ADAM22: variants seen among roughly 807,000 people sequenced by gnomAD.
ADAM22 encodes the protein disintegrin and metalloproteinase domain-containing protein 22.
ADAM22 carries 65 observed loss-of-function variants against 144.6 expected under a neutral mutation model. The observed-to-expected ratio is 0.45, with a 90% CI of 0.37 to 0.55. The LOEUF is 0.55. Among genes scored for constraint, ADAM22 ranks in the 20% least tolerant of loss-of-function variants. The pLI, the probability that ADAM22 is intolerant of heterozygous loss-of-function variation, is 0.00. For missense variants in ADAM22, 974 were observed against 1,184.9 expected (o/e 0.82, Z 2.61); for synonymous variants, 391 against 412.6 (o/e 0.95, Z 0.63).
intron 3 of ADAM22, among the ~76,000 whole-genome samples, chr7:88,058,986 G>T (rs566881071): frequency 6.6e-5 from 10 of 152,238 alleles, no homozygotes; most frequent in African/African-American, 2.4e-4. Flanking sequence ...TGGATTGTGG[G>T]CATAGTCAGC....
At chr7:87,960,947 A>T (rs1249476029) in intron 2 of ADAM22, among the ~76,000 whole-genome samples, 1 of 152,208 alleles carries the variant, frequency 6.6e-6, no homozygotes, top group Non-Finnish European at 1.5e-5. Context: ...GAATAATAAA[A>T]AAAATTCTTT....
At chr7:87,938,233 T>TTTG (rs1841725498) in intron 2 of ADAM22, among the ~76,000 whole-genome samples, 1 of 137,620 alleles carries the variant, frequency 7.3e-6, no homozygotes, top group African/African-American at 2.8e-5. Flanking sequence ...TTTTTTTTTT[T>TTTG]TGTGAGATGG....
At chr7:88,146,670 T>G (rs1465936890) in intron 17 of ADAM22, among the ~76,000 whole-genome samples, 1 of 152,216 alleles carries the variant, frequency 6.6e-6, no homozygotes, top group African/African-American at 2.4e-5. Flanking sequence ...AGCACACTTT[T>G]GGGATGGGCA....
chr7:88,145,359 A>C, intron 16 of ADAM22, 56 bp from the exon 17 acceptor site: 1 of 1,520,492 alleles, frequency 6.6e-7, no homozygotes, highest in South Asian at 1.2e-5. Flanking sequence ...ATATCCTGTT[A>C]CTTTCAGGAA....
chr7:88,143,117 C>A lies in ADAM22; in HGVS notation c.1312C>A (p.Pro438Thr), dbSNP rs1586143253. ...AGGTGGTGCCTGCCTTTTCAACAAA[C>A]CTTCTAAGGTAATAAGTGTGGTTAA... Reference protein sequence around the residue: ...SGGGACLFNKPSKLLDPPECG... With the variant: ...SGGGACLFNKTSKLLDPPECG... The change falls in exon 15 of 32, where the codon CCT becomes ACT. Residue 438 changes from proline (P) to threonine (T), a missense_variant. Pro to Thr is a conservative substitution (Grantham distance 38, BLOSUM62 -1). Transcript: ENST00000413139. The A allele has an allele frequency of 2.5e-6, 4 of 1,601,394 alleles. No individual in the cohort carries two copies. Among genetic ancestry groups the A allele is most frequent in the Non-Finnish European group, 3.4e-6 (4 of 1,169,160 alleles).
intron 3 of ADAM22, among the ~76,000 whole-genome samples, chr7:87,980,870 C>T (rs1347396321): frequency 6.6e-6 from 1 of 152,086 alleles, no homozygotes; most frequent in African/African-American, 2.4e-5. Flanking sequence ...CTCTTTAGGA[C>T]AGATGTATTA....
chr7:88,080,491 A>G (rs1364524678), intron 4 of ADAM22, among the ~76,000 whole-genome samples: 1 of 152,236 alleles, frequency 6.6e-6, no homozygotes. Flanking sequence ...AGAAATAACT[A>G]AAATCAGAGC....
intron 3 of ADAM22, among the ~76,000 whole-genome samples, chr7:88,053,728 T>G (rs902378862): frequency 1.3e-5 from 2 of 152,224 alleles, no homozygotes; most frequent in African/African-American, 4.8e-5. Flanking sequence ...AAATGTTTCA[T>G]TCTTTTTAAG....
In ADAM22 at chr7:88,113,703, A is replaced by AATGTATAT. The variant is rs1554478727; in HGVS notation, c.474-879_474-878insGTATATAT. Among the ~76,000 whole-genome samples, 59 of 48,104 alleles carry AATGTATAT rather than the reference A, an allele frequency of 1.2e-3. 2 individuals carry two copies. Among genetic ancestry groups the AATGTATAT allele is most frequent in the African/African-American group, 4.6e-3 (57 of 12,498 alleles). 31.6% of individuals were successfully genotyped at this position (48,104 alleles called of 152,430 possible). On this transcript the variant is annotated intron_variant, in intron 5 of 31. Coordinates refer to ENST00000413139, the MANE Select transcript of ADAM22 (RefSeq NM_001324418.2). ...TATATATATTATAAATAAATAAATAAATATATATATATATATATATATATA... is the reference window on the plus strand; with the variant it reads ...TATATATATTATAAATAAATAAATAAATGTATATATATATATATATATATATATATATA...
rs748167845 is a variant in ADAM22, at chr7:87,935,511, G to A, written c.246+325G>A. ...GGCATGCACAGCGAGAAGGGAGGTA[G>A]TATTTGGGCAGGGTTTGAATCATCA... is the stretch of plus-strand genomic sequence containing the variant. On this transcript the variant is annotated intron_variant, in intron 2 of 31. Coordinates refer to ENST00000413139, the MANE Select transcript of ADAM22 (RefSeq NM_001324418.2). Among the ~76,000 whole-genome samples the A allele has an allele frequency of 4.2e-4, 64 of 152,270 alleles. 1 individual carries two copies. Among genetic ancestry groups the A allele is most frequent in the Middle Eastern group, 3.4e-3 (1 of 294 alleles).
At chr7:88,077,994 A>G (rs1297374915) in intron 4 of ADAM22, among the ~76,000 whole-genome samples, 1 of 152,224 alleles carries the variant, frequency 6.6e-6, no homozygotes, top group Non-Finnish European at 1.5e-5. Context: ...TGAAGACAGT[A>G]GTGGTTCTCC....
intron 11 of ADAM22, 193 bp downstream of exon 11, chr7:88,131,628 G>T: frequency 1.8e-6 from 1 of 562,244 alleles, no homozygotes; most frequent in Non-Finnish European, 3.1e-6. Context: ...TTAATTTTGA[G>T]TTATTTTATT....
At chr7:88,069,408 T>TTACA (rs1272578136) in intron 3 of ADAM22, among the ~76,000 whole-genome samples, 1 of 152,182 alleles carries the variant, frequency 6.6e-6, no homozygotes, top group Non-Finnish European at 1.5e-5. Flanking sequence ...TGATATTCTG[T>TTACA]TACAGCAGCA....
intron 2 of ADAM22, among the ~76,000 whole-genome samples, chr7:87,948,193 C>T (rs1383842981): frequency 1.3e-5 from 2 of 152,092 alleles, no homozygotes; most frequent in Non-Finnish European, 2.9e-5. Context: ...CTATTTCTGC[C>T]AAGCGTCTCT....
chr7:87,986,980 T>C (rs1788632508), intron 3 of ADAM22, among the ~76,000 whole-genome samples: 1 of 152,188 alleles, frequency 6.6e-6, no homozygotes, highest in African/African-American at 2.4e-5. Context: ...GTGCAACAGA[T>C]TTATCAGGTG....
chr7:88,158,252 G>A (rs1458452021), intron 22 of ADAM22, among the ~76,000 whole-genome samples: 1 of 152,068 alleles, frequency 6.6e-6, no homozygotes, highest in Non-Finnish European at 1.5e-5. Context: ...GCTTCATCAA[G>A]CAAGTTCTTA....
At chr7:88,072,878 C>G (rs1813186882) in intron 3 of ADAM22, among the ~76,000 whole-genome samples, 1 of 152,172 alleles carries the variant, frequency 6.6e-6, no homozygotes, top group South Asian at 2.1e-4. Context: ...TTTGGGTAAA[C>G]AGGGTGTGAT....
At chr7:87,957,372 A>G (rs1015844674) in intron 2 of ADAM22, among the ~76,000 whole-genome samples, 1 of 152,246 alleles carries the variant, frequency 6.6e-6, no homozygotes, top group East Asian at 1.9e-4. Flanking sequence ...TAATTCAAAC[A>G]TACAAAATGG....
intron 14 of ADAM22, 83 bp downstream of exon 14, chr7:88,136,114 C>G: frequency 1.6e-6 from 2 of 1,228,822 alleles, no homozygotes; most frequent in East Asian, 2.5e-5. Context: ...CACTCAATAA[C>G]TTAGTGCATG....
Sources: gnomAD v4.1 joint callset for allele counts (sites outside exome capture counted in the v4.1 genomes callset) on GRCh38, gnomAD v4.1.1 for gene constraint, MANE v1.5 for transcripts, NCBI Gene and HGNC (gene_info 2026-07-23, HGNC 2026-07-21) for gene names.